Variants in ZZEF1 observed in about 807,000 individuals in gnomAD.
ZZEF1 encodes the protein zinc finger ZZ-type and EF-hand domain-containing protein 1.
In ZZEF1, 157 loss-of-function variants were observed where a neutral mutation model predicts 342.8. That is an observed-to-expected ratio of 0.46 (90% confidence interval 0.40 to 0.52). The LOEUF is 0.52. Ranked by LOEUF, ZZEF1 falls within the 20% of genes least tolerant of loss-of-function variation. ZZEF1 has a pLI of 0.00. For synonymous variants in ZZEF1, 1,505 were observed against 1,429.1 expected (o/e 1.05, Z -1.20); for missense variants, 3,480 against 3,725.6 (o/e 0.93, Z 1.72).
At position 4,006,852 on chromosome 17, in the gene ZZEF1, T is replaced by A. The variant is rs924859145; in HGVS notation, c.*38A>T. 3.2e-6 allele frequency: 5 copies of A among 1,552,138 alleles called. No individual in the cohort carries two copies. The highest frequency in any genetic ancestry group is 4.4e-6 in the Non-Finnish European group (5 of 1,144,356). ...TTAGATGTCTGCTCTAAAATCCCTG[T>A]GGCAGATGAACTAGTCCCATGCACG... On this transcript the variant is annotated 3_prime_UTR_variant, in exon 55 of 55. Coordinates refer to ENST00000381638, the MANE Select transcript of ZZEF1 (RefSeq NM_015113.4).
rs920429368 is a variant in ZZEF1 at position 4,066,547 on chromosome 17, G to A, written c.4156-7C>T. On this transcript the variant is annotated splice_polypyrimidine_tract_variant and splice_region_variant and intron_variant, in intron 27 of 54. Transcript: ENST00000381638. ...ACTTCTGCTTCATCTCTAACTAGGG[G>A]AGAATTTGAGCCACATCATTATGCT... is the stretch of plus-strand genomic sequence containing the variant. 3 of 1,613,758 alleles carry A rather than the reference G, an allele frequency of 1.9e-6. No individual in the cohort carries two copies. Among genetic ancestry groups the A allele is most frequent in the Non-Finnish European group, 2.5e-6 (3 of 1,179,760 alleles).
chr17:4,070,589 T>C, intron 26 of ZZEF1, 95 bp downstream of exon 26: 1 of 1,332,398 alleles, frequency 7.5e-7, no homozygotes, highest in Non-Finnish European at 1.0e-6. Context: ...AATGTGTTTA[T>C]ATTTTAAAAT....
chr17:4,011,782 T>TA (rs2055965350), intron 52 of ZZEF1, among the ~76,000 whole-genome samples: 1 of 152,222 alleles, frequency 6.6e-6, no homozygotes, highest in South Asian at 2.1e-4. Context: ...AATCTCTTTC[T>TA]CCCAGAGGAA....
At chr17:4,026,096 G>A (rs1038447123) in intron 42 of ZZEF1, among the ~76,000 whole-genome samples, 8 of 152,200 alleles carry the variant, frequency 5.3e-5, no homozygotes, top group African/African-American at 1.7e-4. Context: ...AGTCACTCAC[G>A]AGTCTGTGGC....
At chr17:4,079,254 A>G (rs577964833) in intron 18 of ZZEF1, among the ~76,000 whole-genome samples, 3 of 152,332 alleles carry the variant, frequency 2.0e-5, no homozygotes, top group South Asian at 2.1e-4. Flanking sequence ...ATCGACTCCT[A>G]TGAGAACCAG....
intron 39 of ZZEF1, 88 bp from the exon 40 acceptor site, chr17:4,034,380 C>T (rs1005117025): frequency 9.9e-6 from 14 of 1,416,508 alleles, no homozygotes; most frequent in Non-Finnish European, 1.4e-5. Context: ...ACCTTATTTA[C>T]AGCTGGCCTA....
intron 51 of ZZEF1, 121 bp downstream of exon 51, chr17:4,013,969 G>T: frequency 1.1e-6 from 1 of 945,214 alleles, no homozygotes; most frequent in Non-Finnish European, 1.6e-6. Flanking sequence ...GACAAATTTG[G>T]AAAGTGTGAG....
rs1430025001 is a variant in ZZEF1 at position 4,076,735 on chromosome 17, T to G, written c.3136A>C (p.Thr1046Pro). 1 of 1,611,248 alleles carries G rather than the reference T, an allele frequency of 6.2e-7. No individual in the cohort carries two copies. Residue 1046 changes from threonine to proline, a missense_variant, in exon 21 of 55, where the codon ACT (threonine) becomes CCT (proline). Around this residue, in one of 5 missense-constraint regions of ZZEF1, gnomAD observed 1,528 missense variants for 1,624.1 expected, o/e 0.94. Transcript: ENST00000381638. ...AGCACGCAGTGTGGGATGTCTAAAGTGCAGAAGTCCAGCAGGAAGATAACC... is the reference window on the plus strand; with the variant it reads ...AGCACGCAGTGTGGGATGTCTAAAGGGCAGAAGTCCAGCAGGAAGATAACC... ...QLVIFLLDFC[T>P]LDIPHCVLLR...
intron 9 of ZZEF1, among the ~76,000 whole-genome samples, chr17:4,097,438 A>G (rs942787169): frequency 6.7e-6 from 1 of 148,314 alleles, no homozygotes; most frequent in East Asian, 2.0e-4. Context: ...AGCTTCTACA[A>G]CACTTTGTCA....
At chr17:4,139,646 T>C (rs1488754369) in intron 1 of ZZEF1, among the ~76,000 whole-genome samples, 3 of 152,264 alleles carry the variant, frequency 2.0e-5, no homozygotes, top group Non-Finnish European at 4.4e-5. Context: ...CTTCTTTGGC[T>C]AGTCCTAACT....
intron 25 of ZZEF1, chr17:4,071,232 A>G: frequency 3.7e-6 from 1 of 272,802 alleles, no homozygotes; most frequent in Non-Finnish European, 6.9e-6. Flanking sequence ...AATTAAGAAA[A>G]GCCTCCTGGA....
chr17:4,063,554 C>T (rs2057327611), intron 29 of ZZEF1, among the ~76,000 whole-genome samples: 1 of 152,112 alleles, frequency 6.6e-6, no homozygotes. Flanking sequence ...ATAAATCTTA[C>T]ATGAAAAAAT....
At chr17:4,019,052 G>A (rs192478063) in intron 46 of ZZEF1, among the ~76,000 whole-genome samples, 1 of 151,636 alleles carries the variant, frequency 6.6e-6, no homozygotes, top group East Asian at 1.9e-4. Flanking sequence ...CTTAGTTACC[G>A]CAGCTTAGAC....
At chr17:4,127,950 A>G (rs995297150) in intron 1 of ZZEF1, among the ~76,000 whole-genome samples, 2 of 152,226 alleles carry the variant, frequency 1.3e-5, no homozygotes, top group African/African-American at 4.8e-5. Context: ...GACAAGCCAG[A>G]CACAAAGAGC....
rs1166577928 is a variant in ZZEF1, at chr17:4,077,873, TG to T, written c.2989+9del. 5 of 1,612,620 alleles carry T rather than the reference TG, an allele frequency of 3.1e-6. No homozygotes were observed. Among genetic ancestry groups the T allele is most frequent in the Non-Finnish European group, 3.4e-6 (4 of 1,179,382 alleles). ...CCATCTGTTTTCATGGATTTTATATTGAAACTCACATTTTTCAATAAGGTCC... is the reference window on the plus strand; with the variant it reads ...CCATCTGTTTTCATGGATTTTATATTAAACTCACATTTTTCAATAAGGTCC... On this transcript the variant is annotated intron_variant, in intron 19 of 54. Coordinates refer to ENST00000381638, the MANE Select transcript of ZZEF1 (RefSeq NM_015113.4).
chr17:4,085,878 T>C (rs575904388), intron 15 of ZZEF1, 75 bp from the exon 16 acceptor site: 3 of 1,558,198 alleles, frequency 1.9e-6, no homozygotes, highest in African/African-American at 1.4e-5. Flanking sequence ...AACTAGCCTA[T>C]AAATTCACTA....
At chr17:4,066,272 T>C (rs2057392515) in intron 28 of ZZEF1, among the ~76,000 whole-genome samples, 175 bp downstream of exon 28, 1 of 152,208 alleles carries the variant, frequency 6.6e-6, no homozygotes, top group Non-Finnish European at 1.5e-5. Context: ...TTACTCCTCT[T>C]TGGGATTTTC....
At chr17:4,132,547 A>T (rs12939728) in intron 1 of ZZEF1, among the ~76,000 whole-genome samples, 1 of 148,884 alleles carries the variant, frequency 6.7e-6, no homozygotes, top group African/African-American at 2.5e-5. Flanking sequence ...AAATACAAAA[A>T]ATTAGCCGGG....
rs772378949 is a variant in ZZEF1, at chr17:4,136,475, G to T, written c.354+6067C>A. On this transcript the variant is annotated intron_variant, in intron 1 of 54. Coordinates refer to ENST00000381638, the MANE Select transcript of ZZEF1 (RefSeq NM_015113.4). The stretch of plus-strand genomic sequence containing the variant: ...GGTGAGCTGGTTTTATGGGTGAGGC[G>T]ACTGAGACACTGTGGTCAAGTAGGT... Among the ~76,000 whole-genome samples, 167 of 152,088 alleles carry T rather than the reference G, an allele frequency of 1.1e-3. 3 individuals carry two copies. Among genetic ancestry groups the T allele is most frequent in the Non-Finnish European group, 2.2e-3 (149 of 68,016 alleles).
Sources: gnomAD v4.1 joint callset for allele counts (sites outside exome capture counted in the v4.1 genomes callset) on GRCh38, gnomAD v4.1.1 for gene constraint, gnomAD v4.1.1 regional missense constraint, MANE v1.5 for transcripts, NCBI Gene and HGNC (gene_info 2026-07-23, HGNC 2026-07-21) for gene names.